Variants in AFF1 observed in about 807,000 individuals in gnomAD.
AFF1 encodes AF4/FMR2 family member 1.
AFF1 carries 48 observed loss-of-function variants against 121.7 expected under a neutral mutation model. The ratio of observed to expected loss-of-function variants is 0.39; its 90% CI spans 0.31 to 0.50. AFF1 has a LOEUF of 0.50. Among genes scored for constraint, AFF1 ranks in the 20% least tolerant of loss-of-function variants. AFF1 has a pLI of 0.76. For synonymous variants in AFF1, 613 were observed against 563.0 expected (o/e 1.09, Z -1.26); for missense variants, 1,523 against 1,511.7 (o/e 1.01, Z -0.12).
At chr4:87,017,095 A>G (rs1727374494) in intron 2 of AFF1, among the ~76,000 whole-genome samples, 1 of 121,900 alleles carries the variant, frequency 8.2e-6, no homozygotes, top group South Asian at 2.7e-4. Flanking sequence ...ATGTGTATAT[A>G]TATGTGTTTT....
chr4:87,127,163 GC>G (rs112686186), intron 15 of AFF1, 46 bp downstream of exon 15: 436,603 of 1,105,364 alleles, frequency 0.39, 81,464 homozygotes, highest in Middle Eastern at 0.46. Flanking sequence ...GTTTTGTTTT[GC>G]TTCCCCCCCC....
At chr4:87,114,130 C>T (rs1726831038) in intron 11 of AFF1, among the ~76,000 whole-genome samples, 1 of 152,126 alleles carries the variant, frequency 6.6e-6, no homozygotes, top group Non-Finnish European at 1.5e-5. Flanking sequence ...TTGGCAATTG[C>T]CTGTTGATTA....
intron 2 of AFF1, among the ~76,000 whole-genome samples, chr4:87,033,295 C>T (rs903643162): frequency 1.3e-5 from 2 of 152,192 alleles, no homozygotes; most frequent in Admixed American, 1.3e-4. Flanking sequence ...TTGCTTTTTG[C>T]TGCTGGTTAG....
rs1233408409 is a variant in AFF1, at chr4:87,114,474, G to A, written c.1641G>A (p.Arg547=). ...CCAGGAGCACAGAGCCCCCACGGCG[G>A]CACCCAGAGAGTAAGGGCAGCAGCG... ...EGPRSTEPPR[R]HPESKGSSDS... Residue 547 remains arginine (R), a synonymous_variant, in exon 12 of 21, where the codon CGG becomes CGA. Coordinates refer to ENST00000395146, the MANE Select transcript of AFF1 (RefSeq NM_001166693.3). 1.2e-6 allele frequency: 2 copies of A among 1,613,722 alleles called. No homozygotes were observed. Among genetic ancestry groups the A allele is most frequent in the Non-Finnish European group, 1.7e-6 (2 of 1,179,988 alleles).
rs985692173 is a variant in AFF1 at position 87,136,893 on chromosome 4, CT to C, written c.*1196del. The stretch of plus-strand genomic sequence containing the variant: ...TAGAGATTTGGGGTGGTTGATTAGA[CT>C]TTTGAAAAACTCATCACCACATGCC... On this transcript the variant is annotated 3_prime_UTR_variant, in exon 21 of 21. Coordinates refer to ENST00000395146, the MANE Select transcript of AFF1 (RefSeq NM_001166693.3). 1.8e-5 allele frequency: 4 copies of C among 221,318 alleles called. No individual in the cohort carries two copies. Among genetic ancestry groups the C allele is most frequent in the Admixed American group, 1.2e-4 (2 of 17,364 alleles). The allele number at this position is 221,318 out of a possible 1,614,324, so 13.7% of individuals were successfully genotyped here. A position where few individuals can be genotyped will look rare whatever the true frequency, so the allele number is the denominator to read the frequency against.
intron 4 of AFF1, among the ~76,000 whole-genome samples, chr4:87,074,877 G>A (rs1722493260): frequency 6.6e-6 from 1 of 152,148 alleles, no homozygotes; most frequent in Non-Finnish European, 1.5e-5. Context: ...AATTATACAT[G>A]TGGACAACAA....
At position 87,139,522 on chromosome 4, in the gene AFF1, T is replaced by G. The variant is rs555202286; in HGVS notation, c.*3821T>G. 1 of 231,314 alleles carries G rather than the reference T, an allele frequency of 4.3e-6. No individual in the cohort carries two copies. Among genetic ancestry groups the G allele is most frequent in the African/African-American group, 2.2e-5 (1 of 45,358 alleles). 14.3% of individuals were successfully genotyped at this position (231,314 alleles called of 1,614,324 possible). A position where few individuals can be genotyped will look rare whatever the true frequency, so the allele number is the denominator to read the frequency against. On this transcript the variant is annotated 3_prime_UTR_variant, in exon 21 of 21. Coordinates refer to ENST00000395146, the MANE Select transcript of AFF1 (RefSeq NM_001166693.3). ...AATCTTGCAAGAATATTTTGTGCTT[T>G]CTTTAGAAACACAAGAGTATAGATT...
In AFF1 at chr4:87,105,896, C is replaced by G. The variant is rs764117570; in HGVS notation, c.1376+51C>G. ...GTACAGAATGTTTGCAATTTTTTAC[C>G]AAATGGGAAAAATAAAGCCTTATTT... On this transcript the variant is annotated intron_variant, in intron 10 of 20. Coordinates refer to ENST00000395146, the MANE Select transcript of AFF1 (RefSeq NM_001166693.3). 10 of 1,593,494 alleles carry G rather than the reference C, an allele frequency of 6.3e-6. No individual in the cohort carries two copies. The South Asian group carries it at 6.7e-5, about 11-fold the overall frequency.
At chr4:86,995,640 G>A (rs1245597221) in intron 2 of AFF1, among the ~76,000 whole-genome samples, 3 of 150,968 alleles carry the variant, frequency 2.0e-5, no homozygotes, top group Non-Finnish European at 4.5e-5. Context: ...CTGGAGTGCA[G>A]TGGTGTGATC....
intron 1 of AFF1, among the ~76,000 whole-genome samples, chr4:86,947,952 A>G (rs1720990363): frequency 6.6e-6 from 1 of 151,886 alleles, no homozygotes; most frequent in Non-Finnish European, 1.5e-5. Context: ...TTTCTCTTGC[A>G]TAGTTGACAC....
At position 87,126,356 on chromosome 4, in the gene AFF1, A is replaced by T; in HGVS notation, c.2811+20A>T. ...CACAAGGTGAGCAGGGGCGGCGGTC[A>T]CTCTGTAAGATGGGATGCATTGCTG... On this transcript the variant is annotated intron_variant, in intron 14 of 20. Transcript: ENST00000395146. The T allele has an allele frequency of 6.9e-6, 11 of 1,604,294 alleles. No individual in the cohort carries two copies. Among genetic ancestry groups the T allele is most frequent in the Non-Finnish European group, 9.4e-6 (11 of 1,171,254 alleles).
chr4:87,038,073 G>C (rs1375101565), intron 2 of AFF1, among the ~76,000 whole-genome samples: 1 of 152,090 alleles, frequency 6.6e-6, no homozygotes, highest in Non-Finnish European at 1.5e-5. Flanking sequence ...ATCCCCTGGG[G>C]GCTCTTCCAG....
In AFF1 at chr4:86,949,553, TTTTC is replaced by T. The variant is rs1365564019; in HGVS notation, c.38+983_38+986del. 1.6e-4 allele frequency: 110 copies of T among 686,332 alleles called. No homozygotes were observed. In the African/African-American group the frequency reaches 1.7e-3, roughly 10 times the overall value. 42.5% of individuals were successfully genotyped at this position (686,332 alleles called of 1,614,324 possible). The stretch of plus-strand genomic sequence containing the variant: ...ATTATTATTATTTTTTTTTTTTTTT[TTTTC>T]CCGACTGGGGCAGGCGGGCTTTATT... On this transcript the variant is annotated intron_variant, in intron 2 of 20. Coordinates refer to ENST00000395146, the MANE Select transcript of AFF1 (RefSeq NM_001166693.3).
At chr4:87,037,886 A>G (rs763314678) in intron 2 of AFF1, among the ~76,000 whole-genome samples, 15 of 152,166 alleles carry the variant, frequency 9.9e-5, no homozygotes, top group Admixed American at 2.0e-4. Flanking sequence ...ACTGTCATGT[A>G]TCACCCTCCT....
chr4:87,042,359 G>A (rs954609227), intron 2 of AFF1, among the ~76,000 whole-genome samples: 1 of 152,190 alleles, frequency 6.6e-6, no homozygotes, highest in East Asian at 1.9e-4. Context: ...TAGTTGCAAG[G>A]AGAAAGGAGG....
chr4:86,942,618 T>C (rs6836128), intron 1 of AFF1, among the ~76,000 whole-genome samples: 37,742 of 152,178 alleles, frequency 0.25, 5,149 homozygotes, highest in African/African-American at 0.37. Context: ...GTTTGTATCT[T>C]GATTTACCTG....
chr4:86,979,685 A>G (rs559313453), intron 2 of AFF1, among the ~76,000 whole-genome samples: 7 of 152,370 alleles, frequency 4.6e-5, no homozygotes, highest in Admixed American at 4.6e-4. Flanking sequence ...ATGCAAATGA[A>G]AACTACATTT....
intron 2 of AFF1, among the ~76,000 whole-genome samples, chr4:86,995,297 CCTCCCTCCCCCTCTCCCCACGGT>C (rs1560525418): frequency 1.0e-5 from 1 of 99,258 alleles, no homozygotes; most frequent in Non-Finnish European, 2.3e-5. Context: ...TCCCCCTCTC[CCTCCCTCCCCCTCTCCCCACGGT>C]CTCCCTCTCC....
chr4:87,114,756 C>T lies in AFF1; in HGVS notation c.1923C>T (p.Ser641=). 7 of 1,613,486 alleles carry T rather than the reference C, an allele frequency of 4.3e-6. No individual in the cohort carries two copies. The highest frequency in any genetic ancestry group is 1.3e-5 in the African/African-American group (1 of 74,914). ...AGCCAGGGCTTCTTCCCTATGGCTC[C>T]CGAGACCAGACTTCCAAAGACAAGC... The part of the protein sequence containing the change: ...EREPGLLPYG[S]RDQTSKDKPK... Residue 641 remains serine, a synonymous_variant, in exon 12 of 21, where the codon TCC becomes TCT. Coordinates refer to ENST00000395146, the MANE Select transcript of AFF1 (RefSeq NM_001166693.3).
Sources: gnomAD v4.1 joint callset for allele counts (sites outside exome capture counted in the v4.1 genomes callset) on GRCh38, gnomAD v4.1.1 for gene constraint, MANE v1.5 for transcripts, NCBI Gene and HGNC (gene_info 2026-07-23, HGNC 2026-07-21) for gene names.